Variants in ST3GAL3 observed in about 807,000 individuals in gnomAD.
ST3GAL3 encodes CMP-N-acetylneuraminate-beta-1,4-galactoside alpha-2,3-sialyltransferase.
ST3GAL3 carries 21 observed loss-of-function variants against 50.1 expected under a neutral mutation model. That is an observed-to-expected ratio of 0.42 (90% CI 0.30 to 0.60). The LOEUF (loss-of-function observed/expected upper bound fraction) is 0.60, where lower values mean the gene tolerates loss of function less well. ST3GAL3 is among the 20% of genes least tolerant of loss of function. The probability of loss-of-function intolerance (pLI) is 0.19; values close to 1 mark genes in which losing one functional copy is unlikely to be tolerated. For missense variants in ST3GAL3, 353 were observed against 489.4 expected, an observed-to-expected ratio of 0.72 and a Z score of 2.63; for synonymous variants, 183 against 190.0, an observed-to-expected ratio of 0.96 and a Z score of 0.30.
In ST3GAL3 at chr1:43,843,525, T is replaced by C. The variant is rs147537858; in HGVS notation, c.302+5214T>C. ...AATTTTTCAAGGATTTTTGTGTCTT[T>C]GGTCATGAAAGATACTGGTCTGTAG... On this transcript the variant is annotated intron_variant, in intron 5 of 11. Coordinates refer to ENST00000347631, the MANE Select transcript of ST3GAL3 (RefSeq NM_006279.5). Among the ~76,000 whole-genome samples the C allele has an allele frequency of 4.9e-3, 748 of 152,360 alleles. 5 individuals carry two copies. Among genetic ancestry groups the C allele is most frequent in the African/African-American group, 0.017 (723 of 41,574 alleles).
rs563725483 is a variant in ST3GAL3 at position 43,812,137 on chromosome 1, A to G, written c.167-2754A>G. On this transcript the variant is annotated intron_variant, in intron 3 of 11. Coordinates refer to ENST00000347631, the MANE Select transcript of ST3GAL3 (RefSeq NM_006279.5). ...TATTGAGCATCTACTGTGAGCAGCC[A>G]CAGCCCTCATGAGCTGTCAGTCCAC... Among the ~76,000 whole-genome samples the G allele has an allele frequency of 8.5e-5, 13 of 152,364 alleles. 1 individual carries two copies. In the South Asian group the frequency reaches 1.7e-3, roughly 19 times the overall value.
chr1:43,890,106 A>G (rs2076493754), intron 5 of ST3GAL3, among the ~76,000 whole-genome samples: 1 of 152,250 alleles, frequency 6.6e-6, no homozygotes, highest in South Asian at 2.1e-4. Context: ...ATAGAGCAAG[A>G]GCCTATCTCA....
intron 9 of ST3GAL3, among the ~76,000 whole-genome samples, chr1:43,901,751 C>A (rs573775888): frequency 6.6e-6 from 1 of 152,204 alleles, no homozygotes; most frequent in Non-Finnish European, 1.5e-5. Context: ...CTGGCCACAC[C>A]CAGGGCTCTA....
chr1:43,771,502 C>T (rs112939141), intron 2 of ST3GAL3, among the ~76,000 whole-genome samples: 3 of 152,066 alleles, frequency 2.0e-5, no homozygotes, highest in African/African-American at 7.2e-5. Context: ...GGACTACAGG[C>T]GCCTGCCACC....
intron 2 of ST3GAL3, among the ~76,000 whole-genome samples, chr1:43,742,318 C>T (rs1044806712): frequency 6.6e-6 from 1 of 152,154 alleles, no homozygotes; most frequent in Non-Finnish European, 1.5e-5. Context: ...CCCGCCCTAA[C>T]AAGGCCTAAA....
intron 2 of ST3GAL3, among the ~76,000 whole-genome samples, chr1:43,791,556 C>CA (rs2058083739): frequency 6.6e-6 from 1 of 152,184 alleles, no homozygotes; most frequent in South Asian, 2.1e-4. Flanking sequence ...GTACTCATGG[C>CA]ATGCATTTTG....
chr1:43,796,741 T>A (rs2058723381), intron 3 of ST3GAL3, among the ~76,000 whole-genome samples: 1 of 152,230 alleles, frequency 6.6e-6, no homozygotes. Context: ...TGAACTTGCA[T>A]GGGAAAAGTT....
chr1:43,867,618 G>T (rs1385513763), intron 5 of ST3GAL3, among the ~76,000 whole-genome samples: 1 of 39,456 alleles, frequency 2.5e-5, no homozygotes, highest in Non-Finnish European at 7.6e-5. Flanking sequence ...TTGGCAGCTT[G>T]TAAACAAATC....
chr1:43,874,535 G>GAAA (rs2073695450), intron 5 of ST3GAL3, among the ~76,000 whole-genome samples: 1 of 152,212 alleles, frequency 6.6e-6, no homozygotes, highest in Non-Finnish European at 1.5e-5. Context: ...AAAGAAGAGA[G>GAAA]AAGGGGTTTA....
intron 3 of ST3GAL3, among the ~76,000 whole-genome samples, chr1:43,793,577 C>G (rs562241631): frequency 1.3e-5 from 2 of 152,182 alleles, no homozygotes; most frequent in African/African-American, 4.8e-5. Context: ...AGAGCCCATC[C>G]TCTCTCCCTT....
intron 2 of ST3GAL3, among the ~76,000 whole-genome samples, chr1:43,772,935 G>A (rs1231880796): frequency 1.3e-5 from 2 of 152,088 alleles, no homozygotes; most frequent in East Asian, 3.9e-4. Flanking sequence ...TTTTAGTAGA[G>A]ATGGGATTTC....
chr1:43,790,739 C>T (rs1423495875), intron 2 of ST3GAL3, among the ~76,000 whole-genome samples: 2 of 151,076 alleles, frequency 1.3e-5, no homozygotes, highest in Non-Finnish European at 2.9e-5. Flanking sequence ...TCAAGTGCTT[C>T]TCCTGCCTCA....
chr1:43,807,922 T>C (rs151212503), intron 3 of ST3GAL3, among the ~76,000 whole-genome samples: 200 of 152,186 alleles, frequency 1.3e-3, no homozygotes, highest in African/African-American at 4.7e-3. Context: ...GTGAGGGTGA[T>C]GAAGATGAAC....
In ST3GAL3 at chr1:43,737,652, A is replaced by C. The variant is rs1679068123; in HGVS notation, c.118+1272A>C. 1 of 152,216 alleles carries C rather than the reference A, an allele frequency of 6.6e-6. No individual in the cohort carries two copies. The highest frequency in any genetic ancestry group is 2.4e-5 in the African/African-American group (1 of 41,458). The allele number at this position is 152,216 out of a possible 1,614,324, so 9.4% of individuals were successfully genotyped here. On this transcript the variant is annotated intron_variant, in intron 2 of 11. Transcript: ENST00000347631. The surrounding 1 kb of genome is among the most constrained non-coding windows in gnomAD (Gnocchi z 4.0). The stretch of plus-strand genomic sequence containing the variant: ...GGATAAGGAGTGTTTGTATCAGTGA[A>C]ATGCAGAATTCTGTATTTAGAGGCA...
intron 2 of ST3GAL3, among the ~76,000 whole-genome samples, chr1:43,782,232 T>C (rs892050149): frequency 1.4e-4 from 21 of 152,304 alleles, no homozygotes; most frequent in African/African-American, 5.1e-4. Context: ...TTTCTCTTAG[T>C]CCTCACCATC....
At chr1:43,871,176 C>CT (rs962755251) in intron 5 of ST3GAL3, among the ~76,000 whole-genome samples, 4 of 152,320 alleles carry the variant, frequency 2.6e-5, no homozygotes, top group African/African-American at 9.6e-5. Flanking sequence ...TCCCAGGACT[C>CT]TCCTACATGT....
At chr1:43,761,604 T>C (rs1057234369) in intron 2 of ST3GAL3, among the ~76,000 whole-genome samples, 1 of 151,980 alleles carries the variant, frequency 6.6e-6, no homozygotes, top group Non-Finnish European at 1.5e-5. Context: ...ATCTGTAGGA[T>C]GGGGTTCATT....
At chr1:43,871,751 G>T (rs1558663624) in intron 5 of ST3GAL3, among the ~76,000 whole-genome samples, 6 of 47,330 alleles carry the variant, frequency 1.3e-4, no homozygotes, top group East Asian at 6.1e-4. Context: ...GGATGGGGTG[G>T]GAGGGAGAGG....
intron 2 of ST3GAL3, 48 bp downstream of exon 2, chr1:43,736,428 C>A: frequency 6.2e-7 from 1 of 1,613,988 alleles, no homozygotes; most frequent in South Asian, 1.1e-5. Context: ...TGTTGCAGGT[C>A]AGTTACTGGT....
Sources: allele counts gnomAD v4.1 joint callset (sites outside exome capture counted in the v4.1 genomes callset), GRCh38; gene constraint gnomAD v4.1.1; non-coding constraint Gnocchi (gnomAD v3.1); transcripts MANE v1.5; gene names NCBI Gene and HGNC (gene_info 2026-07-23, HGNC 2026-07-21).